Variants in MCOLN2 observed in about 807,000 individuals in gnomAD.
MCOLN2 encodes the protein mucolipin-2.
In MCOLN2, 57 loss-of-function variants were observed where a neutral mutation model predicts 67.5. The observed-to-expected ratio is 0.84, with a 90% CI of 0.68 to 1.05. The LOEUF is 1.05. Ranked by LOEUF, MCOLN2 falls within the 50% of genes least tolerant of loss-of-function variation. The probability of loss-of-function intolerance (pLI) is 0.00; values close to 1 mark genes in which losing one functional copy is unlikely to be tolerated. For missense variants in MCOLN2, 620 were observed against 678.8 expected, an observed-to-expected ratio of 0.91 and a Z score of 0.96; for synonymous variants, 246 against 233.3, an observed-to-expected ratio of 1.05 and a Z score of -0.50.
intron 1 of MCOLN2, among the ~76,000 whole-genome samples, chr1:84,974,744 G>C (rs1015730795): frequency 1.3e-5 from 2 of 152,088 alleles, no homozygotes; most frequent in Admixed American, 6.5e-5. Flanking sequence ...GGAGTCCCCA[G>C]TTCTAAGAGC....
At chr1:84,947,672 G>A (rs543973652) in intron 6 of MCOLN2, among the ~76,000 whole-genome samples, 2 of 152,362 alleles carry the variant, frequency 1.3e-5, no homozygotes, top group South Asian at 2.1e-4. Flanking sequence ...CAGCCATGCT[G>A]CCCCAGAGTG....
intron 1 of MCOLN2, among the ~76,000 whole-genome samples, chr1:84,977,185 T>C (rs1650030482): frequency 6.6e-6 from 1 of 152,022 alleles, no homozygotes; most frequent in African/African-American, 2.4e-5. Flanking sequence ...CAGCTCAAAA[T>C]AATGGTTTAT....
Position 84,956,496 on chromosome 1 carries a change from T to A in MCOLN2, c.500A>T (p.His167Leu). 1 of 1,612,338 alleles carries A rather than the reference T, an allele frequency of 6.2e-7. No individual in the cohort carries two copies. The highest frequency in any genetic ancestry group is 8.5e-7 in the Non-Finnish European group (1 of 1,179,398). Reference protein sequence around the residue: ...NRIGLKVCKQHYKKGTMFPSN... With the variant: ...NRIGLKVCKQLYKKGTMFPSN... ...AGGAAACATGGTCCCTTTCTTGTAA[T>A]GCTGCTTACAGACTTTTAAGCCAAT... The change falls in exon 4 of 14, where the codon CAT becomes CTT. Residue 167 changes from histidine to leucine, a missense_variant. Physicochemically the swap from His to Leu is moderately conservative, Grantham distance 99. Transcript: ENST00000370608.
chr1:84,939,628 G>A lies in MCOLN2; in HGVS notation c.1035C>T (p.Gly345=), dbSNP rs780888798. Reference sequence around the variant, plus strand: ...CGCTGATAATCACCAGGACATACCAGCCGTTGATGAACTCCCACTGGTCGG... The same window carrying A: ...CGCTGATAATCACCAGGACATACCAACCGTTGATGAACTCCCACTGGTCGG... The part of the protein sequence containing the change: ...CDTDQWEFIN[G]WYVLVIISDL... Residue 345 remains glycine, a synonymous_variant, in exon 9 of 14, where the codon GGC becomes GGT. Transcript: ENST00000370608. 4 of 1,614,016 alleles carry A rather than the reference G, an allele frequency of 2.5e-6. No homozygotes were observed. The highest frequency in any genetic ancestry group is 3.4e-6 in the Non-Finnish European group (4 of 1,179,900).
intron 8 of MCOLN2, 61 bp from the exon 9 acceptor site, chr1:84,939,763 G>T (rs918770668): frequency 1.3e-6 from 2 of 1,576,010 alleles, no homozygotes; most frequent in Non-Finnish European, 1.7e-6. Flanking sequence ...GAAGAAGAAG[G>T]CAAGTGCAAA....
chr1:84,971,049 T>C (rs1338428043), intron 1 of MCOLN2, among the ~76,000 whole-genome samples: 1 of 152,248 alleles, frequency 6.6e-6, no homozygotes. Flanking sequence ...TGTGTTACAC[T>C]ATTTATACTA....
chr1:84,982,598 T>A (rs1417179178), intron 1 of MCOLN2, among the ~76,000 whole-genome samples: 3 of 152,226 alleles, frequency 2.0e-5, no homozygotes, highest in Non-Finnish European at 4.4e-5. Flanking sequence ...ATAAAAAATA[T>A]TTGGAACTAC....
chr1:84,971,624 GAA>G lies in MCOLN2; in HGVS notation c.78-5918_78-5917del, dbSNP rs556019673. ...AGAGGGAAAAAAATTTTAAAACAGA[GAA>G]AGAGAGAGACAACACAATATCATAG... On this transcript the variant is annotated intron_variant, in intron 1 of 13. Coordinates refer to ENST00000370608, the MANE Select transcript of MCOLN2 (RefSeq NM_153259.4). Among the ~76,000 whole-genome samples the G allele has an allele frequency of 1.7e-3, 263 of 152,018 alleles. 1 individual carries two copies. The highest frequency in any genetic ancestry group is 6.0e-3 in the African/African-American group (248 of 41,458).
At chr1:84,947,650 C>T (rs1051485184) in intron 6 of MCOLN2, among the ~76,000 whole-genome samples, 2 of 152,190 alleles carry the variant, frequency 1.3e-5, no homozygotes, top group Non-Finnish European at 2.9e-5. Flanking sequence ...GGAGAGGTGC[C>T]GGGAGTTCAT....
At position 84,931,451 on chromosome 1, in the gene MCOLN2, G is replaced by A. The variant is rs1386451527; in HGVS notation, c.1453C>T (p.Leu485=). ...KSILVWLFSR[L]YLYSFISLFI... is the part of the protein sequence containing the mutation. The stretch of plus-strand genomic sequence containing the variant: ...AGGCTGATGAAGGAATATAAATACA[G>A]ACGACTGAACAGCCACACCAAGATG... Residue 485 remains leucine, a synonymous_variant, in exon 12 of 14, where the codon CTG becomes TTG. Coordinates refer to ENST00000370608, the MANE Select transcript of MCOLN2 (RefSeq NM_153259.4). The A allele has an allele frequency of 3.1e-6, 5 of 1,611,860 alleles. No homozygotes were observed. The highest frequency in any genetic ancestry group is 3.4e-6 in the Non-Finnish European group (4 of 1,178,004).
At chr1:84,985,428 T>C (rs1650460540) in intron 1 of MCOLN2, among the ~76,000 whole-genome samples, 1 of 152,208 alleles carries the variant, frequency 6.6e-6, no homozygotes, top group African/African-American at 2.4e-5. Flanking sequence ...AAACAGCTTG[T>C]CCAATCCTAT....
intron 1 of MCOLN2, among the ~76,000 whole-genome samples, chr1:84,972,403 C>G (rs2102868409): frequency 6.6e-6 from 1 of 151,660 alleles, no homozygotes; most frequent in Non-Finnish European, 1.5e-5. Context: ...CACTAAAGAA[C>G]AAAATATCAA....
intron 13 of MCOLN2, among the ~76,000 whole-genome samples, chr1:84,927,436 A>T (rs1246263691): frequency 6.6e-6 from 1 of 152,220 alleles, no homozygotes; most frequent in Non-Finnish European, 1.5e-5. Context: ...TAGAACTGGA[A>T]GAGGTTTCAG....
chr1:84,985,246 T>C (rs531556357), intron 1 of MCOLN2, among the ~76,000 whole-genome samples: 3 of 152,330 alleles, frequency 2.0e-5, no homozygotes, highest in African/African-American at 7.2e-5. Context: ...TTTCTTGCTA[T>C]AGATTCTAAT....
chr1:84,990,297 CAAAAAAAAAAAAAA>C lies in MCOLN2; in HGVS notation c.77+6485_77+6498del, dbSNP rs34226507. 4.9e-4 allele frequency among the ~76,000 whole-genome samples: 17 copies of C among 34,986 alleles called. No homozygotes were observed. The South Asian group carries it at 0.012, about 25-fold the overall frequency. The allele number at this position is 34,986 out of a possible 152,430, so 23.0% of individuals were successfully genotyped here. ...TGGGCAACAGAATGAGACTCCATCT[CAAAAAAAAAAAAAA>C]AAAAAAAAAAAAAAAATACCTAATG... is the stretch of plus-strand genomic sequence containing the variant. On this transcript the variant is annotated intron_variant, in intron 1 of 13. Transcript: ENST00000370608.
chr1:84,988,463 T>G (rs1650725690), intron 1 of MCOLN2, among the ~76,000 whole-genome samples: 1 of 152,164 alleles, frequency 6.6e-6, no homozygotes, highest in South Asian at 2.1e-4. Flanking sequence ...GTTACTCAGG[T>G]GATTCTAATG....
chr1:84,928,559 T>C (rs1035176416), intron 13 of MCOLN2, among the ~76,000 whole-genome samples: 8 of 152,192 alleles, frequency 5.3e-5, no homozygotes, highest in Non-Finnish European at 1.2e-4. Context: ...ATCCCCCTTA[T>C]AGTAAAAAAG....
intron 12 of MCOLN2, 36 bp downstream of exon 12, chr1:84,931,326 G>A (rs1342716961): frequency 2.5e-6 from 3 of 1,190,938 alleles, no homozygotes; most frequent in Non-Finnish European, 3.7e-6. Flanking sequence ...AGAATTTGCA[G>A]TGATTTTTTG....
intron 12 of MCOLN2, 85 bp from the exon 13 acceptor site, chr1:84,929,764 A>G: frequency 5.2e-6 from 7 of 1,348,750 alleles, no homozygotes; most frequent in Non-Finnish European, 7.2e-6. Context: ...CACCTTTGCT[A>G]AAATAAAACT....
Sources: gnomAD v4.1 joint callset for allele counts (sites outside exome capture counted in the v4.1 genomes callset) on GRCh38, gnomAD v4.1.1 for gene constraint, MANE v1.5 for transcripts, NCBI Gene and HGNC (gene_info 2026-07-23, HGNC 2026-07-21) for gene names.